Variants in NPAS2 observed in about 807,000 individuals in gnomAD.
NPAS2 encodes the protein neuronal PAS domain-containing protein 2.
Under a neutral mutation model 107.5 loss-of-function variants are expected in NPAS2, and 23 were observed. That is an observed-to-expected ratio of 0.21 (90% CI 0.15 to 0.30). The LOEUF is 0.30. Ranked by LOEUF, NPAS2 falls within the 10% of genes least tolerant of loss-of-function variation. The pLI is 1.00. For synonymous variants in NPAS2, 403 were observed against 417.5 expected, an observed-to-expected ratio of 0.97 and a Z score of 0.42; for missense variants, 756 against 1,043.3, an observed-to-expected ratio of 0.72 and a Z score of 3.79.
chr2:100,886,495 T>G (rs1005883252), intron 1 of NPAS2, among the ~76,000 whole-genome samples: 6 of 152,222 alleles, frequency 3.9e-5, no homozygotes, highest in African/African-American at 1.4e-4. Flanking sequence ...TTTTTTGCAT[T>G]GTGATAGTAG....
At chr2:100,859,188 G>A (rs977602694) in intron 1 of NPAS2, among the ~76,000 whole-genome samples, 3 of 152,158 alleles carry the variant, frequency 2.0e-5, no homozygotes, top group African/African-American at 7.2e-5. Context: ...GCCTGAACCC[G>A]AGAGGCGGAG....
intron 16 of NPAS2, chr2:100,986,462 G>A (rs1677786741): frequency 6.6e-6 from 1 of 152,240 alleles, no homozygotes; most frequent in Admixed American, 6.5e-5. Context: ...CTGAGTACAG[G>A]AATGGGGTGA....
intron 20 of NPAS2, chr2:100,994,771 C>G (rs372146461): frequency 6.6e-6 from 1 of 152,352 alleles, no homozygotes; most frequent in African/African-American, 2.4e-5. Flanking sequence ...TCCAGCCAGA[C>G]AGCCTGAGCA....
intron 1 of NPAS2, among the ~76,000 whole-genome samples, chr2:100,822,387 A>T (rs911696249): frequency 6.6e-6 from 1 of 152,212 alleles, no homozygotes; most frequent in East Asian, 1.9e-4. Flanking sequence ...CCTTTAAAAA[A>T]ATTTCTGGCT....
At chr2:100,928,581 C>A (rs900980924) in intron 3 of NPAS2, among the ~76,000 whole-genome samples, 4 of 152,152 alleles carry the variant, frequency 2.6e-5, no homozygotes, top group African/African-American at 9.7e-5. Flanking sequence ...AAGATGAAGG[C>A]CTACTCCGCA....
At chr2:100,834,813 G>C (rs1195653814) in intron 1 of NPAS2, among the ~76,000 whole-genome samples, 1 of 152,060 alleles carries the variant, frequency 6.6e-6, no homozygotes, top group East Asian at 1.9e-4. Flanking sequence ...TCCTGCCTCA[G>C]CCTCCCAAGT....
At chr2:100,865,202 G>T (rs1001154634) in intron 1 of NPAS2, among the ~76,000 whole-genome samples, 3 of 152,204 alleles carry the variant, frequency 2.0e-5, no homozygotes, top group African/African-American at 7.2e-5. Context: ...CTAATACAGA[G>T]TAATTAGTTG....
chr2:100,981,381 A>G (rs1677428195), intron 15 of NPAS2, among the ~76,000 whole-genome samples: 2 of 152,206 alleles, frequency 1.3e-5, no homozygotes, highest in African/African-American at 4.8e-5. Context: ...AGCCCCGAAG[A>G]GCCCAGAGCA....
At chr2:100,938,922 G>A (rs1315330145) in intron 5 of NPAS2, among the ~76,000 whole-genome samples, 2 of 152,174 alleles carry the variant, frequency 1.3e-5, no homozygotes, top group African/African-American at 4.8e-5. Flanking sequence ...CCATGGATAG[G>A]TGGCCAGTTT....
chr2:100,826,301 G>A (rs1676375699), intron 1 of NPAS2, among the ~76,000 whole-genome samples: 1 of 152,108 alleles, frequency 6.6e-6, no homozygotes, highest in Non-Finnish European at 1.5e-5. Flanking sequence ...AATTAGCTGG[G>A]CATGGTGGCA....
chr2:100,971,162 C>T, intron 12 of NPAS2, 88 bp downstream of exon 12: 1 of 1,277,662 alleles, frequency 7.8e-7, no homozygotes, highest in Non-Finnish European at 1.1e-6. Flanking sequence ...GGTTTCTTTT[C>T]ATCAATGGAA....
At chr2:100,827,666 A>T (rs1676470128) in intron 1 of NPAS2, among the ~76,000 whole-genome samples, 1 of 152,172 alleles carries the variant, frequency 6.6e-6, no homozygotes, top group Non-Finnish European at 1.5e-5. Flanking sequence ...GCATTAATTC[A>T]CTTAGGATAA....
intron 1 of NPAS2, among the ~76,000 whole-genome samples, chr2:100,864,652 C>T (rs1679149906): frequency 6.6e-6 from 1 of 152,124 alleles, no homozygotes; most frequent in South Asian, 2.1e-4. Context: ...CACAACACCC[C>T]CTTAGTCTTT....
At chr2:100,969,710 A>G (rs946922987) in intron 11 of NPAS2, among the ~76,000 whole-genome samples, 2 of 152,118 alleles carry the variant, frequency 1.3e-5, no homozygotes, top group African/African-American at 2.4e-5. Context: ...ACACACCTAG[A>G]TGGTGTGGCC....
intron 7 of NPAS2, among the ~76,000 whole-genome samples, chr2:100,961,313 A>G (rs1432544988): frequency 2.0e-5 from 3 of 152,184 alleles, no homozygotes; most frequent in Non-Finnish European, 2.9e-5. Flanking sequence ...GGAAAAAGTT[A>G]TTTCAAATGC....
rs1419219843 is a variant in NPAS2 at position 100,904,704 on chromosome 2, C to A, written c.-22-29C>A. 2.9e-5 allele frequency: 39 copies of A among 1,357,102 alleles called. No homozygotes were observed. In the Admixed American group the frequency reaches 7.6e-4, roughly 26 times the overall value. The allele number at this position is 1,357,102 out of a possible 1,614,324, so 84.1% of individuals were successfully genotyped here. On this transcript the variant is annotated intron_variant, in intron 1 of 20. Transcript: ENST00000335681. ...TAGAAGCAGACAGTAATTATCCATT[C>A]TTTTTAATTTTTTTTTTTTTTTTTG...
At chr2:100,826,832 A>G (rs1000736520) in intron 1 of NPAS2, among the ~76,000 whole-genome samples, 4 of 152,204 alleles carry the variant, frequency 2.6e-5, no homozygotes, top group Admixed American at 6.5e-5. Context: ...CCTTGTCTCC[A>G]TATCTTAACT....
At chr2:100,952,589 C>A (rs11696085) in intron 7 of NPAS2, among the ~76,000 whole-genome samples, 50,717 of 151,788 alleles carry the variant, frequency 0.33, 8,689 homozygotes, top group Middle Eastern at 0.51. Context: ...AAAACAACAA[C>A]AAAAAACTAG....
At chr2:100,854,158 C>CAAAAAA (rs70943046) in intron 1 of NPAS2, among the ~76,000 whole-genome samples, 11 of 59,594 alleles carry the variant, frequency 1.8e-4, no homozygotes, top group African/African-American at 2.7e-4. Flanking sequence ...CCTGCCTCAA[C>CAAAAAA]AAAAAAAAAA....
Sources: gnomAD v4.1 joint callset for allele counts (sites outside exome capture counted in the v4.1 genomes callset) on GRCh38, gnomAD v4.1.1 for gene constraint, MANE v1.5 for transcripts, NCBI Gene and HGNC (gene_info 2026-07-23, HGNC 2026-07-21) for gene names.